The following PRKD3 variants were observed in gnomAD, a reference collection of about 807,000 sequenced individuals.
PRKD3 encodes serine/threonine-protein kinase D3.
In PRKD3, 47 loss-of-function variants were observed where a neutral mutation model predicts 99.2. The ratio of observed to expected loss-of-function variants is 0.47; its 90% confidence interval spans 0.38 to 0.60. The LOEUF (loss-of-function observed/expected upper bound fraction) is 0.60, where lower values mean the gene tolerates loss of function less well. PRKD3 is among the 20% of genes least tolerant of loss of function. The pLI, the probability that PRKD3 is intolerant of heterozygous loss-of-function variation, is 0.00. For missense variants in PRKD3, 1,019 were observed against 1,088.4 expected, an observed-to-expected ratio of 0.94 and a Z score of 0.90; for synonymous variants, 392 against 355.4, an observed-to-expected ratio of 1.10 and a Z score of -1.16.
chr2:37,287,918 G>A (rs1558557118), intron 5 of PRKD3, among the ~76,000 whole-genome samples: 1 of 152,144 alleles, frequency 6.6e-6, no homozygotes, highest in Non-Finnish European at 1.5e-5. Context: ...TTCTTTTTGA[G>A]ACTATGCTTG....
At chr2:37,297,756 G>C (rs1670737065) in intron 2 of PRKD3, among the ~76,000 whole-genome samples, 1 of 152,102 alleles carries the variant, frequency 6.6e-6, no homozygotes. Flanking sequence ...AATGGGTTTT[G>C]GGGAGGCAGA....
chr2:37,306,220 GT>G (rs951322480), intron 2 of PRKD3, among the ~76,000 whole-genome samples: 38 of 152,240 alleles, frequency 2.5e-4, no homozygotes, highest in African/African-American at 8.4e-4. Context: ...CAGGCGTTAA[GT>G]GGCCTCCCAG....
In PRKD3 at chr2:37,317,183, G is replaced by A; in HGVS notation, c.-655-4C>T. ...TGCTTTCTGACATATAGTTAGCCTGGAAGGAAATTTTTTAAAGGTTTTTAA... is the reference window on the plus strand; with the variant it reads ...TGCTTTCTGACATATAGTTAGCCTGAAAGGAAATTTTTTAAAGGTTTTTAA... On this transcript the variant is annotated splice_polypyrimidine_tract_variant and splice_region_variant and intron_variant, in intron 1 of 18. Coordinates refer to ENST00000234179, the MANE Select transcript of PRKD3 (RefSeq NM_005813.6). 1.0e-6 allele frequency: 1 copy of A among 971,418 alleles called. No individual in the cohort carries two copies. Among genetic ancestry groups the A allele is most frequent in the Non-Finnish European group, 1.2e-6 (1 of 817,282 alleles). 60.2% of individuals were successfully genotyped at this position (971,418 alleles called of 1,614,324 possible).
intron 5 of PRKD3, among the ~76,000 whole-genome samples, chr2:37,287,033 C>G (rs938388038): frequency 6.6e-6 from 1 of 151,644 alleles, no homozygotes; most frequent in South Asian, 2.1e-4. Context: ...GAGTTCAAGA[C>G]CAGCCTGACC....
intron 3 of PRKD3, among the ~76,000 whole-genome samples, chr2:37,291,781 A>G (rs1392502575): frequency 6.6e-6 from 1 of 152,210 alleles, no homozygotes; most frequent in Non-Finnish European, 1.5e-5. Context: ...GAAAAGGCTC[A>G]AAGGTGAATT....
chr2:37,292,891 C>T (rs917513130), intron 3 of PRKD3: 1 of 296,436 alleles, frequency 3.4e-6, no homozygotes, highest in Non-Finnish European at 6.3e-6. Flanking sequence ...AGCAATCCTC[C>T]CGCCTCAGCT....
intron 7 of PRKD3, among the ~76,000 whole-genome samples, chr2:37,281,452 G>A (rs1669853893): frequency 6.6e-6 from 1 of 152,136 alleles, no homozygotes; most frequent in Non-Finnish European, 1.5e-5. Flanking sequence ...AGGGTATTAG[G>A]TAGTGGTGGG....
intron 2 of PRKD3, among the ~76,000 whole-genome samples, chr2:37,303,193 G>A (rs1234133017): frequency 1.3e-5 from 2 of 151,968 alleles, no homozygotes; most frequent in African/African-American, 2.4e-5. Flanking sequence ...AAGATTACCT[G>A]CCCGTCCCGT....
rs1198826667 is a variant in PRKD3, at chr2:37,316,313, T to C, written c.212A>G (p.Glu71Gly). Reference protein sequence around the residue: ...SFLLQIGLTRESVTIEAQELS... With the variant: ...SFLLQIGLTRGSVTIEAQELS... ...TTCCTGGGCTTCAATGGTAACACTCTCCCGTGTGAGGCCAATTTGCAGTAG... is the reference window on the plus strand; with the variant it reads ...TTCCTGGGCTTCAATGGTAACACTCCCCCGTGTGAGGCCAATTTGCAGTAG... Residue 71 changes from glutamate (E) to glycine (G), a missense_variant, in exon 2 of 19, where the codon GAG becomes GGG. Physicochemically the swap from Glu to Gly is moderately conservative, Grantham distance 98. Coordinates refer to ENST00000234179, the MANE Select transcript of PRKD3 (RefSeq NM_005813.6). The C allele has an allele frequency of 6.2e-7, 1 of 1,614,222 alleles. No homozygotes were observed. Among genetic ancestry groups the C allele is most frequent in the Non-Finnish European group, 8.5e-7 (1 of 1,180,042 alleles).
At chr2:37,287,568 C>A (rs1165574950) in intron 5 of PRKD3, among the ~76,000 whole-genome samples, 2 of 152,128 alleles carry the variant, frequency 1.3e-5, no homozygotes, top group Non-Finnish European at 2.9e-5. Flanking sequence ...AGTGAGGATG[C>A]AAGCAGGTAC....
intron 7 of PRKD3, among the ~76,000 whole-genome samples, chr2:37,280,956 G>A (rs959870714): frequency 6.6e-6 from 1 of 152,124 alleles, no homozygotes; most frequent in Non-Finnish European, 1.5e-5. Context: ...ATCTGAATAG[G>A]TGCTTTTTTC....
At chr2:37,297,017 G>C (rs747879334) in intron 2 of PRKD3, among the ~76,000 whole-genome samples, 2 of 151,028 alleles carry the variant, frequency 1.3e-5, no homozygotes, top group Non-Finnish European at 2.9e-5. Context: ...CATTCATAAT[G>C]AGCACACATT....
rs1224334377 is a variant in PRKD3, at chr2:37,279,800, A to C, written c.1118T>G (p.Leu373Trp). 1 of 1,613,932 alleles carries C rather than the reference A, an allele frequency of 6.2e-7. No homozygotes were observed. The highest frequency in any genetic ancestry group is 2.2e-5 in the East Asian group (1 of 44,834). Residue 373 changes from leucine to tryptophan, a missense_variant, in exon 8 of 19, where the codon TTG (leucine) becomes TGG (tryptophan). Around this residue, in one of 3 missense-constraint regions of PRKD3, gnomAD observed 710 missense variants for 692.7 expected, o/e 1.02. Coordinates refer to ENST00000234179, the MANE Select transcript of PRKD3 (RefSeq NM_005813.6). Reference protein sequence around the residue: ...PSPPEDKMFFLDPSDLDVERD... With the variant: ...PSPPEDKMFFWDPSDLDVERD... Reference sequence around the variant, plus strand: ...TTCCACATCGAGATCAGATGGATCCAAGAAGAACATCTTATCTTCTGGGGG... The same window carrying C: ...TTCCACATCGAGATCAGATGGATCCCAGAAGAACATCTTATCTTCTGGGGG...
chr2:37,274,382 TAA>T, intron 11 of PRKD3, 37 bp downstream of exon 11: 3 of 1,606,272 alleles, frequency 1.9e-6, no homozygotes, highest in Non-Finnish European at 2.6e-6. Context: ...GCTTAAGAAT[TAA>T]AGAGGAGAAA....
At chr2:37,281,466 T>C (rs1343301090) in intron 7 of PRKD3, among the ~76,000 whole-genome samples, 2 of 152,110 alleles carry the variant, frequency 1.3e-5, no homozygotes, top group African/African-American at 4.8e-5. Context: ...TGGTGGGTCT[T>C]TGGAAGGTGG....
intron 8 of PRKD3, chr2:37,279,520 C>T (rs964483711): frequency 5.6e-5 from 14 of 252,228 alleles, no homozygotes; most frequent in Admixed American, 3.4e-4. Flanking sequence ...AAACAAAAAA[C>T]GAAAAAAAAA....
At chr2:37,292,588 C>T (rs1384812764) in intron 3 of PRKD3, among the ~76,000 whole-genome samples, 3 of 151,978 alleles carry the variant, frequency 2.0e-5, no homozygotes, top group East Asian at 1.9e-4. Context: ...CCTCGTGATC[C>T]GCCCGCCTCG....
chr2:37,282,975 A>G lies in PRKD3; in HGVS notation c.911-356T>C, dbSNP rs1356473964. On this transcript the variant is annotated intron_variant, in intron 6 of 18. Coordinates refer to ENST00000234179, the MANE Select transcript of PRKD3 (RefSeq NM_005813.6). The stretch of plus-strand genomic sequence containing the variant: ...TTTCAATTCCTAAGAATCAGGACCT[A>G]ATGTATATGCAGGAAAGAGACTGAG... 2.6e-5 allele frequency among the ~76,000 whole-genome samples: 4 copies of G among 152,302 alleles called. No homozygotes were observed. The East Asian group carries it at 7.7e-4, about 29-fold the overall frequency.
At position 37,289,384 on chromosome 2, in the gene PRKD3, G is replaced by C; in HGVS notation, c.689C>G (p.Pro230Arg). 1.2e-6 allele frequency: 2 copies of C among 1,614,086 alleles called. No individual in the cohort carries two copies. Among genetic ancestry groups the C allele is most frequent in the Non-Finnish European group, 1.7e-6 (2 of 1,180,002 alleles). ...TTCACTGGGAAGGGCTACATATTCA[G>C]GCTGTAGGGGTCTTGGAACTGAGAG... Reference protein sequence around the residue: ...PGLSVPRPLQPEYVALPSEES... With the variant: ...PGLSVPRPLQREYVALPSEES... Residue 230 changes from proline to arginine, a missense_variant, in exon 5 of 19, where the codon CCT becomes CGT. Physicochemically the swap from Pro to Arg is moderately radical, Grantham distance 103. Coordinates refer to ENST00000234179, the MANE Select transcript of PRKD3 (RefSeq NM_005813.6).
Sources: gnomAD v4.1 joint callset for allele counts (sites outside exome capture counted in the v4.1 genomes callset) on GRCh38, gnomAD v4.1.1 for gene constraint, gnomAD v4.1.1 regional missense constraint, MANE v1.5 for transcripts, NCBI Gene and HGNC (gene_info 2026-07-23, HGNC 2026-07-21) for gene names.